ARHGAP15: variants seen among roughly 807,000 people sequenced by gnomAD.
ARHGAP15 encodes rho GTPase-activating protein 15.
In ARHGAP15, 51 loss-of-function variants were observed where a neutral mutation model predicts 63.7. That is an observed-to-expected ratio of 0.80 (90% CI 0.64 to 1.01). The LOEUF is 1.01. Among genes scored for constraint, ARHGAP15 ranks in the 50% least tolerant of loss-of-function variants. ARHGAP15 has a pLI of 0.00. For synonymous variants in ARHGAP15, 191 were observed against 193.8 expected, an observed-to-expected ratio of 0.99 and a Z score of 0.12; for missense variants, 560 against 564.6, an observed-to-expected ratio of 0.99 and a Z score of 0.08.
intron 6 of ARHGAP15, among the ~76,000 whole-genome samples, chr2:143,376,972 CA>C (rs2104930028): frequency 6.6e-6 from 1 of 152,058 alleles, no homozygotes; most frequent in African/African-American, 2.4e-5. Context: ...ATATTTTGCT[CA>C]GTAAGTAATA....
intron 12 of ARHGAP15, among the ~76,000 whole-genome samples, chr2:143,633,530 T>G (rs1680155410): frequency 6.6e-6 from 1 of 151,926 alleles, no homozygotes; most frequent in Non-Finnish European, 1.5e-5. Flanking sequence ...CCTGAAAACT[T>G]TTATTTTACT....
chr2:143,496,597 A>G (rs888744947), intron 9 of ARHGAP15, among the ~76,000 whole-genome samples: 3 of 152,218 alleles, frequency 2.0e-5, no homozygotes, highest in African/African-American at 7.2e-5. Flanking sequence ...AATTTCTGGT[A>G]TGTAACTCAC....
At chr2:143,188,003 A>C (rs1235356575) in intron 2 of ARHGAP15, among the ~76,000 whole-genome samples, 1 of 152,202 alleles carries the variant, frequency 6.6e-6, no homozygotes, top group African/African-American at 2.4e-5. Flanking sequence ...CTGTCTATTC[A>C]TCAGTTCCCC....
At chr2:143,416,475 G>C (rs772996322) in intron 6 of ARHGAP15, among the ~76,000 whole-genome samples, 1 of 140,316 alleles carries the variant, frequency 7.1e-6, no homozygotes, top group Non-Finnish European at 1.6e-5. Context: ...GGTTTCACTC[G>C]ATTGCAGTTG....
chr2:143,137,385 A>G (rs188406242), intron 1 of ARHGAP15, among the ~76,000 whole-genome samples: 6 of 152,206 alleles, frequency 3.9e-5, no homozygotes, highest in Admixed American at 3.3e-4. Flanking sequence ...AGAATCAAGG[A>G]AGACAATCTG....
intron 8 of ARHGAP15, among the ~76,000 whole-genome samples, chr2:143,444,926 C>T (rs994557221): frequency 6.6e-6 from 1 of 152,046 alleles, no homozygotes; most frequent in African/African-American, 2.4e-5. Context: ...AAGCAATCTG[C>T]CAATACATCT....
At chr2:143,766,104 G>A (rs1686938599) in intron 13 of ARHGAP15, among the ~76,000 whole-genome samples, 1 of 151,978 alleles carries the variant, frequency 6.6e-6, no homozygotes, top group African/African-American at 2.4e-5. Context: ...TGGCCTCTTG[G>A]TCACAAAAGT....
chr2:143,272,052 G>A (rs952232182), intron 6 of ARHGAP15, among the ~76,000 whole-genome samples: 3 of 152,106 alleles, frequency 2.0e-5, no homozygotes, highest in Admixed American at 6.5e-5. Context: ...TTAAATCGCC[G>A]GTCATTGTTG....
At chr2:143,735,346 G>T (rs755027995) in intron 13 of ARHGAP15, among the ~76,000 whole-genome samples, 1 of 152,116 alleles carries the variant, frequency 6.6e-6, no homozygotes, top group South Asian at 2.1e-4. Context: ...ACAATCAGAC[G>T]TGACTTTGGG....
intron 9 of ARHGAP15, among the ~76,000 whole-genome samples, chr2:143,508,386 T>C (rs1419762917): frequency 6.6e-6 from 1 of 152,216 alleles, no homozygotes; most frequent in African/African-American, 2.4e-5. Flanking sequence ...ATTTTTTCCA[T>C]AGCGCTTATC....
chr2:143,662,973 C>T (rs1218653855), intron 12 of ARHGAP15, among the ~76,000 whole-genome samples: 4 of 141,844 alleles, frequency 2.8e-5, no homozygotes, highest in Non-Finnish European at 4.6e-5. Flanking sequence ...AGAATGGAAC[C>T]AAGTTGGAAA....
intron 6 of ARHGAP15, among the ~76,000 whole-genome samples, chr2:143,383,148 G>A (rs1687128318): frequency 1.3e-5 from 2 of 152,042 alleles, no homozygotes; most frequent in African/African-American, 4.8e-5. Flanking sequence ...CATTTAAAAA[G>A]TCTTTTAAAT....
intron 5 of ARHGAP15, among the ~76,000 whole-genome samples, chr2:143,247,708 G>A (rs1357640087): frequency 2.6e-5 from 4 of 152,134 alleles, no homozygotes; most frequent in Admixed American, 2.6e-4. Flanking sequence ...AGGGAGCCCA[G>A]CACAGTGGGT....
intron 12 of ARHGAP15, among the ~76,000 whole-genome samples, chr2:143,671,285 AG>A (rs1682512949): frequency 6.6e-6 from 1 of 152,002 alleles, no homozygotes; most frequent in East Asian, 1.9e-4. Context: ...ATTTGCTTCT[AG>A]GTATGCATGT....
chr2:143,382,965 A>G (rs1687124002), intron 6 of ARHGAP15, among the ~76,000 whole-genome samples: 1 of 152,214 alleles, frequency 6.6e-6, no homozygotes, highest in African/African-American at 2.4e-5. Flanking sequence ...TGACTTGAGA[A>G]AAGAAAAACT....
intron 8 of ARHGAP15, among the ~76,000 whole-genome samples, chr2:143,447,166 A>G (rs1441651910): frequency 6.6e-6 from 1 of 152,134 alleles, no homozygotes; most frequent in Non-Finnish European, 1.5e-5. Flanking sequence ...GTAAAATGGT[A>G]TTTCTAGTTC....
At chr2:143,318,342 T>A (rs780551067) in intron 6 of ARHGAP15, among the ~76,000 whole-genome samples, 24 of 152,052 alleles carry the variant, frequency 1.6e-4, no homozygotes, top group Non-Finnish European at 2.9e-4. Context: ...ATAAGGGTAC[T>A]AATATAAGCT....
At chr2:143,534,495 C>A (rs908122768) in intron 10 of ARHGAP15, among the ~76,000 whole-genome samples, 2 of 151,996 alleles carry the variant, frequency 1.3e-5, no homozygotes, top group African/African-American at 4.8e-5. Flanking sequence ...CAGTCCTTAC[C>A]CAGAGAAGAG....
At chr2:143,151,368 C>G (rs182652597) in intron 1 of ARHGAP15, among the ~76,000 whole-genome samples, 1 of 152,006 alleles carries the variant, frequency 6.6e-6, no homozygotes, top group African/African-American at 2.4e-5. Context: ...TCCCCAGTCA[C>G]AAATCCTACC....
Sources: allele counts gnomAD v4.1 joint callset (sites outside exome capture counted in the v4.1 genomes callset), GRCh38; gene constraint gnomAD v4.1.1; transcripts MANE v1.5; gene names NCBI Gene and HGNC (gene_info 2026-07-23, HGNC 2026-07-21).